Variants in EEF2K observed in about 807,000 individuals in gnomAD.
The protein encoded by EEF2K is alternative protein EEF2K.
In EEF2K, 70 loss-of-function variants were observed where a neutral mutation model predicts 93.8. That is an observed-to-expected ratio of 0.75 (90% CI 0.62 to 0.91). EEF2K has a LOEUF of 0.91. Ranked by LOEUF, EEF2K falls within the 40% of genes least tolerant of loss-of-function variation. The probability of loss-of-function intolerance (pLI) is 0.00; values close to 1 mark genes in which losing one functional copy is unlikely to be tolerated. For synonymous variants in EEF2K, 376 were observed against 380.8 expected (o/e 0.99, Z 0.15); for missense variants, 935 against 972.9 (o/e 0.96, Z 0.52).
At chr16:22,282,723 G>A (rs2047707504) in intron 17 of EEF2K, among the ~76,000 whole-genome samples, 1 of 152,182 alleles carries the variant, frequency 6.6e-6, no homozygotes, top group Admixed American at 6.5e-5. Context: ...GACTTGCCGG[G>A]CTCTAGAACT....
At chr16:22,279,814 G>C (rs1323391414) in intron 16 of EEF2K, among the ~76,000 whole-genome samples, 1 of 152,068 alleles carries the variant, frequency 6.6e-6, no homozygotes, top group Non-Finnish European at 1.5e-5. Flanking sequence ...GGCCAACGTG[G>C]TGAAATGCCG....
rs975771901 is a variant in EEF2K, at chr16:22,242,802, A to G, written c.247-1828A>G. ...AGCTCATGGGAATCGTTTCATAATT[A>G]TCTGAGGCCAGAGTTAAATGCTATG... On this transcript the variant is annotated intron_variant, in intron 2 of 17. Transcript: ENST00000263026. Among the ~76,000 whole-genome samples, 4 of 152,240 alleles carry G rather than the reference A, an allele frequency of 2.6e-5. No individual in the cohort carries two copies. The East Asian group carries it at 7.7e-4, about 29-fold the overall frequency.
rs370585875 is a variant in EEF2K, at chr16:22,253,531, G to A, written c.618+2209G>A. Among the ~76,000 whole-genome samples the A allele has an allele frequency of 4.6e-5, 7 of 152,018 alleles. No individual in the cohort carries two copies. The East Asian group carries it at 7.7e-4, about 17-fold the overall frequency. ...GGCTTGGCGGGCATCTTGTGTCACCGTAATTCTTGCATGGCTAGCTACTTC... is the reference window on the plus strand; with the variant it reads ...GGCTTGGCGGGCATCTTGTGTCACCATAATTCTTGCATGGCTAGCTACTTC... On this transcript the variant is annotated intron_variant, in intron 6 of 17. Transcript: ENST00000263026.
intron 17 of EEF2K, among the ~76,000 whole-genome samples, chr16:22,283,001 A>G (rs1372141401): frequency 2.0e-5 from 3 of 152,220 alleles, no homozygotes; most frequent in Non-Finnish European, 4.4e-5. Flanking sequence ...TTATATTTTA[A>G]AAATTAACAA....
At chr16:22,230,415 T>C (rs955065087) in intron 2 of EEF2K, among the ~76,000 whole-genome samples, 2 of 152,182 alleles carry the variant, frequency 1.3e-5, no homozygotes, top group Non-Finnish European at 2.9e-5. Flanking sequence ...GGTCTCGCCA[T>C]GTTGCCCAGG....
chr16:22,247,135 A>G (rs575002438), intron 3 of EEF2K, among the ~76,000 whole-genome samples: 178 of 150,052 alleles, frequency 1.2e-3, no homozygotes, highest in Non-Finnish European at 1.0e-4. Context: ...AAAGCCAGCC[A>G]TAAAGCTTAA....
rs1049245813 is a variant in EEF2K, at chr16:22,284,633, TATAAG to T, written c.*639_*643del. On this transcript the variant is annotated 3_prime_UTR_variant, in exon 18 of 18. Transcript: ENST00000263026. ...TTCTTTTTTTTTTTTTGTCACGAGA[TATAAG>T]AAAGTGCTTTTTGCCTTGAATGGAC... 2.8e-5 allele frequency: 4 copies of T among 141,736 alleles called. No individual in the cohort carries two copies. Among genetic ancestry groups the T allele is most frequent in the African/African-American group, 1.2e-4 (4 of 34,038 alleles). 8.8% of individuals were successfully genotyped at this position (141,736 alleles called of 1,614,324 possible).
rs2047764934 is a variant in EEF2K, at chr16:22,287,709, A to G, written c.*3713A>G. ...TGGGTGTAAGAAAGAAGCGAAAAAAACTCCCAAACCCCAGTGTTCCTGAAT... is the reference window on the plus strand; with the variant it reads ...TGGGTGTAAGAAAGAAGCGAAAAAAGCTCCCAAACCCCAGTGTTCCTGAAT... On this transcript the variant is annotated 3_prime_UTR_variant, in exon 18 of 18. Transcript: ENST00000263026. 6.6e-6 allele frequency: 1 copy of G among 152,114 alleles called. No homozygotes were observed. Among genetic ancestry groups the G allele is most frequent in the African/African-American group, 2.4e-5 (1 of 41,402 alleles). 9.4% of individuals were successfully genotyped at this position (152,114 alleles called of 1,614,324 possible).
At chr16:22,260,354 A>C in intron 10 of EEF2K, 108 bp from the exon 11 acceptor site, 1 of 1,104,496 alleles carries the variant, frequency 9.1e-7, no homozygotes, top group African/African-American at 1.6e-5. Context: ...AAAGCTTAAA[A>C]AAAAAAAAAG....
intron 1 of EEF2K, among the ~76,000 whole-genome samples, chr16:22,220,152 C>T (rs901580784): frequency 3.9e-5 from 6 of 152,184 alleles, no homozygotes; most frequent in Non-Finnish European, 7.3e-5. Flanking sequence ...GATAGTTTGC[C>T]ACAGCTGCCT....
chr16:22,218,644 C>T (rs563238189), intron 1 of EEF2K, among the ~76,000 whole-genome samples: 2 of 152,298 alleles, frequency 1.3e-5, no homozygotes, highest in South Asian at 4.1e-4. Context: ...ACGAGCCAGA[C>T]GTCCAGGTCA....
chr16:22,217,338 A>C (rs2046967953), intron 1 of EEF2K, among the ~76,000 whole-genome samples: 1 of 151,988 alleles, frequency 6.6e-6, no homozygotes, highest in Non-Finnish European at 1.5e-5. Context: ...AAGGTTGTTC[A>C]CTAGAGTTGA....
At chr16:22,257,559 C>A in intron 8 of EEF2K, 84 bp from the exon 9 acceptor site, 1 of 1,572,010 alleles carries the variant, frequency 6.4e-7, no homozygotes, top group South Asian at 1.2e-5. Flanking sequence ...TATACCTGCC[C>A]TGGCCATATG....
chr16:22,254,953 C>T (rs1314367823), intron 6 of EEF2K, among the ~76,000 whole-genome samples: 2 of 152,124 alleles, frequency 1.3e-5, no homozygotes, highest in Non-Finnish European at 2.9e-5. Context: ...TGCCTGTAGT[C>T]CCAGCTACTC....
At chr16:22,276,294 A>T (rs1332610122) in intron 16 of EEF2K, among the ~76,000 whole-genome samples, 1 of 152,042 alleles carries the variant, frequency 6.6e-6, no homozygotes, top group Non-Finnish European at 1.5e-5. Context: ...TCTACCATAG[A>T]TAGAGGGAGG....
intron 1 of EEF2K, among the ~76,000 whole-genome samples, chr16:22,215,217 G>A (rs1488740402): frequency 6.6e-6 from 1 of 152,174 alleles, no homozygotes; most frequent in Non-Finnish European, 1.5e-5. Flanking sequence ...TGCAAAGGGA[G>A]TAGCCTCTGG....
intron 2 of EEF2K, among the ~76,000 whole-genome samples, chr16:22,239,071 A>G (rs1268915478): frequency 6.8e-6 from 1 of 146,210 alleles, no homozygotes; most frequent in Non-Finnish European, 1.5e-5. Flanking sequence ...TTAGTACAGT[A>G]CTTTTTATAC....
intron 3 of EEF2K, 110 bp downstream of exon 3, chr16:22,244,840 A>T: frequency 9.1e-7 from 1 of 1,096,718 alleles, no homozygotes; most frequent in African/African-American, 1.6e-5. Context: ...GGGAGTAATC[A>T]TAACAGCAGC....
At chr16:22,207,952 C>A (rs754971534) in intron 1 of EEF2K, among the ~76,000 whole-genome samples, 11 of 152,214 alleles carry the variant, frequency 7.2e-5, no homozygotes, top group South Asian at 2.1e-4. Flanking sequence ...TCAGAGATGG[C>A]GTATGCAGGT....
Sources: gnomAD v4.1 joint callset for allele counts (sites outside exome capture counted in the v4.1 genomes callset) on GRCh38, gnomAD v4.1.1 for gene constraint, MANE v1.5 for transcripts, NCBI Gene and HGNC (gene_info 2026-07-23, HGNC 2026-07-21) for gene names.